The following ADGRG7 variants were observed in gnomAD, a reference collection of about 807,000 sequenced individuals.
ADGRG7 encodes adhesion G protein-coupled receptor G7.
ADGRG7 carries 82 observed loss-of-function variants against 88.6 expected under a neutral mutation model. The observed-to-expected ratio is 0.93, with a 90% CI of 0.77 to 1.11. The LOEUF (loss-of-function observed/expected upper bound fraction) is 1.11. Among genes scored for constraint, ADGRG7 ranks in the 50% most tolerant of loss-of-function variants. ADGRG7 has a pLI of 0.00. For synonymous variants in ADGRG7, 381 were observed against 345.2 expected (o/e 1.10, Z -1.15); for missense variants, 945 against 953.4 (o/e 0.99, Z 0.12).
intron 1 of ADGRG7, among the ~76,000 whole-genome samples, chr3:100,620,831 AT>A (rs1350873341): frequency 1.5e-5 from 2 of 135,408 alleles, no homozygotes; most frequent in African/African-American, 5.3e-5. Context: ...CATAGGTATT[AT>A]GTTTTTTTTT....
intron 14 of ADGRG7, among the ~76,000 whole-genome samples, chr3:100,665,665 A>C (rs1195587563): frequency 6.6e-6 from 1 of 152,278 alleles, no homozygotes; most frequent in African/African-American, 2.4e-5. Flanking sequence ...TTTACTGAAC[A>C]TAAGTGGTGA....
intron 6 of ADGRG7, among the ~76,000 whole-genome samples, chr3:100,638,992 G>T (rs923327799): frequency 2.0e-5 from 3 of 149,642 alleles, no homozygotes; most frequent in Non-Finnish European, 4.4e-5. Context: ...TATATTCCAG[G>T]TTTTTTTCCC....
Position 100,630,765 on chromosome 3 carries a change from G to T in ADGRG7, c.290G>T (p.Arg97Ile), listed in dbSNP as rs1416965576. The T allele has an allele frequency of 2.0e-6, 3 of 1,487,676 alleles. No homozygotes were observed. The highest frequency in any genetic ancestry group is 2.7e-6 in the Non-Finnish European group (3 of 1,121,116). The allele number at this position is 1,487,676 out of a possible 1,614,324, so 92.2% of individuals were successfully genotyped here. ...GFTFARIPVGRYGPSLQTCGK... is the reference protein window; with the variant it reads ...GFTFARIPVGIYGPSLQTCGK... The stretch of plus-strand genomic sequence containing the variant: ...ACTTTTGCCAGAATCCCAGTGGGCA[G>T]ATATGGACCATCCTTGCAAACATGT... The change falls in exon 3 of 16, where the codon AGA becomes ATA. Residue 97 changes from arginine (R) to isoleucine (I), a missense_variant. Coordinates refer to ENST00000273352, the MANE Select transcript of ADGRG7 (RefSeq NM_032787.3).
chr3:100,655,230 C>A (rs764576533), intron 12 of ADGRG7, 49 bp downstream of exon 12: 4 of 1,364,598 alleles, frequency 2.9e-6, no homozygotes, highest in East Asian at 4.6e-5. Context: ...TTGTGGAAAT[C>A]ATTTAATTTA....
At chr3:100,674,933 G>A (rs1039011703) in intron 15 of ADGRG7, among the ~76,000 whole-genome samples, 2 of 151,908 alleles carry the variant, frequency 1.3e-5, no homozygotes, top group African/African-American at 2.4e-5. Flanking sequence ...ACTAACTTAT[G>A]TATGTTAATT....
At chr3:100,658,329 T>A (rs1270571621) in intron 13 of ADGRG7, among the ~76,000 whole-genome samples, 2 of 152,212 alleles carry the variant, frequency 1.3e-5, no homozygotes, top group African/African-American at 4.8e-5. Flanking sequence ...GCAAAAGTAA[T>A]TGCAGTTTTT....
At position 100,629,602 on chromosome 3, in the gene ADGRG7, A is replaced by G. The variant is rs1406599743; in HGVS notation, c.120A>G (p.Lys40=). 5.0e-6 allele frequency: 8 copies of G among 1,609,222 alleles called. No individual in the cohort carries two copies. Among genetic ancestry groups the G allele is most frequent in the Non-Finnish European group, 6.8e-6 (8 of 1,176,012 alleles). The part of the protein sequence containing the change: ...WRIVIRIQRG[K]STSSSSTPTE... ...TGTTATTTATTGTTTCTTTAGGAAA[A>G]TCTACTTCCTCATCAAGCACCCCTA... The change falls in exon 2 of 16, where the codon AAA becomes AAG. Residue 40 remains lysine (K), a synonymous_variant. Transcript: ENST00000273352.
chr3:100,632,798 G>T (rs1707475442), intron 3 of ADGRG7, among the ~76,000 whole-genome samples: 1 of 152,164 alleles, frequency 6.6e-6, no homozygotes, highest in Non-Finnish European at 1.5e-5. Context: ...GGAGGCTTAA[G>T]TGATAATCCT....
chr3:100,614,692 C>T (rs7640289), intron 1 of ADGRG7, among the ~76,000 whole-genome samples: 77,299 of 151,966 alleles, frequency 0.51, 21,732 homozygotes, highest in South Asian at 0.76. Context: ...ATTTCTTAGA[C>T]TAAGGAAATA....
intron 14 of ADGRG7, among the ~76,000 whole-genome samples, chr3:100,663,113 A>C (rs1680499): frequency 0.87 from 132,607 of 152,064 alleles, 59,977 homozygotes; most frequent in Non-Finnish European, 1. Flanking sequence ...CACAGCTCTT[A>C]GCTCCTGTTA....
chr3:100,675,577 A>T (rs1286114802), intron 15 of ADGRG7, among the ~76,000 whole-genome samples: 2 of 151,828 alleles, frequency 1.3e-5, no homozygotes, highest in Non-Finnish European at 2.9e-5. Flanking sequence ...TTTCTTTTTG[A>T]TGTGCCTTTT....
chr3:100,650,986 TC>T (rs2094928572), intron 11 of ADGRG7, among the ~76,000 whole-genome samples: 1 of 152,188 alleles, frequency 6.6e-6, no homozygotes, highest in African/African-American at 2.4e-5. Flanking sequence ...TTTAGTCACT[TC>T]CTTATTTCAA....
At chr3:100,658,957 C>A (rs571596208) in intron 13 of ADGRG7, among the ~76,000 whole-genome samples, 98 of 151,540 alleles carry the variant, frequency 6.5e-4, no homozygotes, top group African/African-American at 2.2e-3. Context: ...TTAATTAATT[C>A]TTTCAACAAT....
chr3:100,684,965 A>C (rs1033626818), intron 15 of ADGRG7, among the ~76,000 whole-genome samples: 1 of 152,000 alleles, frequency 6.6e-6, no homozygotes, highest in Admixed American at 6.6e-5. Context: ...TACTGTCTAC[A>C]TTATTTTCTT....
intron 10 of ADGRG7, among the ~76,000 whole-genome samples, chr3:100,647,335 A>G (rs181189060): frequency 1.5e-3 from 233 of 152,338 alleles, no homozygotes; most frequent in African/African-American, 5.1e-3. Flanking sequence ...CACGTTCTGA[A>G]GCATAAAGTT....
chr3:100,681,802 C>T (rs2094973831), intron 15 of ADGRG7, among the ~76,000 whole-genome samples: 1 of 152,152 alleles, frequency 6.6e-6, no homozygotes, highest in Non-Finnish European at 1.5e-5. Context: ...GAAAATACTT[C>T]TCCCTTAAAG....
chr3:100,630,824 A>G lies in ADGRG7; in HGVS notation c.334+15A>G, dbSNP rs371702261. 7 of 1,335,246 alleles carry G rather than the reference A, an allele frequency of 5.2e-6. No homozygotes were observed. Among genetic ancestry groups the G allele is most frequent in the Non-Finnish European group, 7.1e-6 (7 of 986,990 alleles). 82.7% of individuals were successfully genotyped at this position (1,335,246 alleles called of 1,614,324 possible). The stretch of plus-strand genomic sequence containing the variant: ...TACTCCAAATGGTATGTGTTTTCCC[A>G]AACATTTACTCTATGCATAAGAATT... On this transcript the variant is annotated intron_variant, in intron 3 of 15. Transcript: ENST00000273352.
At chr3:100,690,228 G>A (rs953037409) in intron 15 of ADGRG7, among the ~76,000 whole-genome samples, 9 of 152,022 alleles carry the variant, frequency 5.9e-5, no homozygotes, top group South Asian at 2.1e-4. Context: ...GCTCCATCAC[G>A]TCCTTTAAGG....
rs532126356 is a variant in ADGRG7 at position 100,629,104 on chromosome 3, G to A, written c.116-494G>A. Among the ~76,000 whole-genome samples the A allele has an allele frequency of 2.8e-4, 43 of 152,080 alleles. 1 individual carries two copies. Among genetic ancestry groups the A allele is most frequent in the Middle Eastern group, 3.4e-3 (1 of 294 alleles). The stretch of plus-strand genomic sequence containing the variant: ...CATGTTTTTGTGATTTTTGCAGTTC[G>A]TATCCTGCCTACTCGGGTCACCCAT... On this transcript the variant is annotated intron_variant, in intron 1 of 15. Transcript: ENST00000273352.
Sources: gnomAD v4.1 joint callset for allele counts (sites outside exome capture counted in the v4.1 genomes callset) on GRCh38, gnomAD v4.1.1 for gene constraint, MANE v1.5 for transcripts, NCBI Gene and HGNC (gene_info 2026-07-23, HGNC 2026-07-21) for gene names.